The following CNTNAP2 variants were observed in gnomAD, a reference collection of about 807,000 sequenced individuals.
CNTNAP2 encodes contactin associated protein 2.
A neutral mutation model predicts 155.2 loss-of-function variants in CNTNAP2; 98 were observed. The observed-to-expected ratio is 0.63, with a 90% CI of 0.54 to 0.75. The LOEUF (loss-of-function observed/expected upper bound fraction) is 0.75, where lower values mean the gene tolerates loss of function less well. Among genes scored for constraint, CNTNAP2 ranks in the 30% least tolerant of loss-of-function variants. The pLI is 0.00. For synonymous variants in CNTNAP2, 651 were observed against 631.2 expected (o/e 1.03, Z -0.47); for missense variants, 1,727 against 1,688.1 (o/e 1.02, Z -0.40).
At chr7:146,689,337 A>G (rs542029929) in intron 1 of CNTNAP2, among the ~76,000 whole-genome samples, 1 of 152,158 alleles carries the variant, frequency 6.6e-6, no homozygotes, top group South Asian at 2.1e-4. Flanking sequence ...ATTTTATCAC[A>G]TTTGTATTGT....
chr7:147,385,215 A>C (rs1410874169), intron 9 of CNTNAP2, among the ~76,000 whole-genome samples: 1 of 152,178 alleles, frequency 6.6e-6, no homozygotes, highest in Non-Finnish European at 1.5e-5. Flanking sequence ...TGGGAGTTAC[A>C]ATTCAAAGTG....
intron 13 of CNTNAP2, among the ~76,000 whole-genome samples, chr7:147,680,965 ACT>A (rs2116979536): frequency 6.6e-6 from 1 of 152,014 alleles, no homozygotes; most frequent in Admixed American, 6.6e-5. Flanking sequence ...ACGTTATATA[ACT>A]CATGTATAAA....
chr7:147,461,608 C>G (rs1253027993), intron 10 of CNTNAP2, among the ~76,000 whole-genome samples: 1 of 151,678 alleles, frequency 6.6e-6, no homozygotes, highest in East Asian at 1.9e-4. Context: ...GAATTCTTTT[C>G]TTGAAAGTAG....
At position 146,673,788 on chromosome 7, in the gene CNTNAP2, G is replaced by T. The variant is rs757270710; in HGVS notation, c.98-100483G>T. ...CTAGAGATAGAGGTCTTGCTGATTT[G>T]CCCAGGCTGGTCTCAAAGTAGTGGC... is the stretch of plus-strand genomic sequence containing the variant. On this transcript the variant is annotated intron_variant, in intron 1 of 23. Coordinates refer to ENST00000361727, the MANE Select transcript of CNTNAP2 (RefSeq NM_014141.6). Among the ~76,000 whole-genome samples, 10 of 151,800 alleles carry T rather than the reference G, an allele frequency of 6.6e-5. No individual in the cohort carries two copies. In the South Asian group the frequency reaches 1.0e-3, roughly 16 times the overall value.
In CNTNAP2 at chr7:147,136,296, G is replaced by T. The variant is rs559738169; in HGVS notation, c.1348+3787G>T. On this transcript the variant is annotated intron_variant, in intron 8 of 23. Coordinates refer to ENST00000361727, the MANE Select transcript of CNTNAP2 (RefSeq NM_014141.6). Reference sequence around the variant, plus strand: ...TCAGAATATGTCCTGTCCTAAATCAGCTGTTTTCTTATACTCAAGTATTGG... The same window carrying T: ...TCAGAATATGTCCTGTCCTAAATCATCTGTTTTCTTATACTCAAGTATTGG... Among the ~76,000 whole-genome samples the T allele has an allele frequency of 3.3e-5, 5 of 152,022 alleles. No individual in the cohort carries two copies. The South Asian group carries it at 1.0e-3, about 32-fold the overall frequency.
intron 12 of CNTNAP2, among the ~76,000 whole-genome samples, chr7:147,636,624 G>A (rs901936664): frequency 1.3e-5 from 2 of 152,056 alleles, no homozygotes; most frequent in Admixed American, 1.3e-4. Context: ...GCCCTGGTGT[G>A]TGATATTCTC....
chr7:146,501,995 C>T (rs777910887), intron 1 of CNTNAP2, among the ~76,000 whole-genome samples: 61 of 151,928 alleles, frequency 4.0e-4, no homozygotes, highest in Admixed American at 2.8e-3. Context: ...TCTCTTTATT[C>T]CTCTCTTTGC....
At chr7:147,638,492 C>T (rs1488270011) in intron 12 of CNTNAP2, among the ~76,000 whole-genome samples, 4 of 152,156 alleles carry the variant, frequency 2.6e-5, no homozygotes, top group Non-Finnish European at 4.4e-5. Flanking sequence ...TTTATATCTG[C>T]TTCTTTTCTC....
chr7:148,172,837 C>G (rs978147845), intron 18 of CNTNAP2, among the ~76,000 whole-genome samples: 1 of 152,128 alleles, frequency 6.6e-6, no homozygotes, highest in Non-Finnish European at 1.5e-5. Context: ...TCCAATAGAT[C>G]AATTGATCAG....
intron 2 of CNTNAP2, among the ~76,000 whole-genome samples, chr7:146,832,585 T>G (rs989763071): frequency 1.4e-5 from 2 of 148,010 alleles, no homozygotes; most frequent in African/African-American, 4.9e-5. Flanking sequence ...ATATTAATAT[T>G]AACTTCAATA....
chr7:146,873,486 G>A lies in CNTNAP2; in HGVS notation c.402+33582G>A, dbSNP rs116817233. ...GACATTAATTACTTGCTGTGTGCCA[G>A]GGACTTTTTTAGGCTTAGAGGGTGA... On this transcript the variant is annotated intron_variant, in intron 3 of 23. Coordinates refer to ENST00000361727, the MANE Select transcript of CNTNAP2 (RefSeq NM_014141.6). Among the ~76,000 whole-genome samples, 1,166 of 152,154 alleles carry A rather than the reference G, an allele frequency of 7.7e-3. 13 individuals are homozygous for A. Among genetic ancestry groups the A allele is most frequent in the African/African-American group, 0.025 (1,029 of 41,494 alleles).
chr7:148,237,287 A>C (rs1295978006), intron 20 of CNTNAP2, among the ~76,000 whole-genome samples: 2 of 152,246 alleles, frequency 1.3e-5, no homozygotes, highest in African/African-American at 4.8e-5. Flanking sequence ...AATCGTAAGC[A>C]ATATATAAAT....
chr7:147,558,303 T>A (rs919825918), intron 11 of CNTNAP2, among the ~76,000 whole-genome samples: 12 of 152,306 alleles, frequency 7.9e-5, no homozygotes, highest in Non-Finnish European at 1.5e-4. Flanking sequence ...TCTAACCTTA[T>A]CATATGTACA....
At chr7:148,284,816 A>T (rs1274305762) in intron 21 of CNTNAP2, among the ~76,000 whole-genome samples, 2 of 152,226 alleles carry the variant, frequency 1.3e-5, no homozygotes, top group Non-Finnish European at 2.9e-5. Context: ...AATAAAAAGA[A>T]ATCAAGTCAC....
intron 1 of CNTNAP2, among the ~76,000 whole-genome samples, chr7:146,367,586 C>T (rs1795173583): frequency 6.6e-6 from 1 of 152,042 alleles, no homozygotes; most frequent in African/African-American, 2.4e-5. Flanking sequence ...ATAGACTTAA[C>T]ATTTTACAGA....
chr7:147,057,959 T>A (rs1799594176), intron 4 of CNTNAP2, among the ~76,000 whole-genome samples: 1 of 152,194 alleles, frequency 6.6e-6, no homozygotes, highest in Admixed American at 6.5e-5. Context: ...AATACTATTA[T>A]GTCACCTCAT....
intron 1 of CNTNAP2, among the ~76,000 whole-genome samples, chr7:146,192,099 G>A (rs1798714235): frequency 6.6e-6 from 1 of 152,062 alleles, no homozygotes; most frequent in Admixed American, 6.6e-5. Flanking sequence ...TATTAATTTG[G>A]GGAACTAATA....
intron 20 of CNTNAP2, among the ~76,000 whole-genome samples, chr7:148,249,170 A>G (rs919388705): frequency 7.2e-5 from 11 of 152,260 alleles, no homozygotes; most frequent in Middle Eastern, 3.4e-3. Context: ...CTTATTCCCA[A>G]TCCCAGCTGG....
intron 13 of CNTNAP2, among the ~76,000 whole-genome samples, chr7:147,647,281 G>A (rs527412199): frequency 5.3e-5 from 8 of 151,604 alleles, no homozygotes; most frequent in Non-Finnish European, 1.0e-4. Context: ...GATTACAGGC[G>A]TGAGCCACCG....
Sources: allele counts gnomAD v4.1 joint callset (sites outside exome capture counted in the v4.1 genomes callset), GRCh38; gene constraint gnomAD v4.1.1; transcripts MANE v1.5; gene names NCBI Gene and HGNC (gene_info 2026-07-23, HGNC 2026-07-21).